Variants in ESPN observed in about 807,000 individuals in gnomAD.
ESPN encodes autosomal recessive deafness type 36 protein.
ESPN carries 68 observed loss-of-function variants against 77.7 expected under a neutral mutation model. The ratio of observed to expected loss-of-function variants is 0.87; its 90% CI spans 0.72 to 1.07. ESPN has a LOEUF of 1.07. Among genes scored for constraint, ESPN ranks in the 50% least tolerant of loss-of-function variants. The pLI is 0.00. For missense variants in ESPN, 1,060 were observed against 1,239.0 expected (o/e 0.86, Z 2.17); for synonymous variants, 449 against 567.1 (o/e 0.79, Z 2.96).
chr1:6,456,996 G>A (rs1644068741), intron 10 of ESPN, among the ~76,000 whole-genome samples, 188 bp from the exon 11 acceptor site: 1 of 152,252 alleles, frequency 6.6e-6, no homozygotes, highest in Non-Finnish European at 1.5e-5. Flanking sequence ...GGACATGAGG[G>A]TCTGGGTTAC....
intron 8 of ESPN, among the ~76,000 whole-genome samples, chr1:6,449,990 T>A (rs1569718268): frequency 6.6e-6 from 1 of 152,116 alleles, no homozygotes; most frequent in African/African-American, 2.4e-5. Context: ...ACGGTTCCTA[T>A]GGAGCCCCAG....
At chr1:6,453,930 T>C (rs1643999404) in intron 10 of ESPN, among the ~76,000 whole-genome samples, 2 of 152,060 alleles carry the variant, frequency 1.3e-5, no homozygotes, top group Non-Finnish European at 2.9e-5. Context: ...GCAGCCTCTT[T>C]AAGAGCGGAG....
Position 6,460,358 on chromosome 1 carries a change from C to A in ESPN, c.*212C>A. On this transcript the variant is annotated 3_prime_UTR_variant, in exon 13 of 13. Coordinates refer to ENST00000645284, the MANE Select transcript of ESPN (RefSeq NM_031475.3). ...GCCACGGTTGCCCAGAAAAAGTGCC[C>A]AAGCTGCTGACGCAAACAACAACAA... 1.7e-6 allele frequency: 1 copy of A among 600,830 alleles called. No individual in the cohort carries two copies. Among genetic ancestry groups the A allele is most frequent in the Non-Finnish European group, 2.9e-6 (1 of 341,576 alleles). The allele number at this position is 600,830 out of a possible 1,614,324, so 37.2% of individuals were successfully genotyped here. A position where few individuals can be genotyped will look rare whatever the true frequency, so the allele number is the denominator to read the frequency against.
chr1:6,446,161 G>T (rs1170954445), intron 7 of ESPN, among the ~76,000 whole-genome samples: 1 of 152,198 alleles, frequency 6.6e-6, no homozygotes, highest in Non-Finnish European at 1.5e-5. Context: ...GAGCTGGGGG[G>T]TGAAGGACGC....
In ESPN at chr1:6,440,637, C is replaced by G. The variant is rs755035371; in HGVS notation, c.687C>G (p.Thr229=). The G allele has an allele frequency of 3.5e-5, 53 of 1,518,614 alleles. No homozygotes were observed. The African/African-American group carries it at 7.1e-4, about 20-fold the overall frequency. The allele number at this position is 1,518,614 out of a possible 1,614,324, so 94.1% of individuals were successfully genotyped here. The change falls in exon 4 of 13, where the codon ACC becomes ACG. Residue 229 remains threonine, a synonymous_variant. Coordinates refer to ENST00000645284, the MANE Select transcript of ESPN (RefSeq NM_031475.3). The part of the protein sequence containing the change: ...SPVIVWLVSC[T]DVSLSEQDKD... Reference sequence around the variant, plus strand: ...CCCGTCCCGCCCAGGTGAGCTGCACCGACGTGAGCCTGTCCGAGCAGGACA... The same window carrying G: ...CCCGTCCCGCCCAGGTGAGCTGCACGGACGTGAGCCTGTCCGAGCAGGACA...
At chr1:6,433,064 G>A (rs537469793) in intron 2 of ESPN, among the ~76,000 whole-genome samples, 1 of 152,198 alleles carries the variant, frequency 6.6e-6, no homozygotes, top group African/African-American at 2.4e-5. Context: ...GGAGGTTGCA[G>A]TGAGCCAAGA....
chr1:6,456,118 G>A, intron 10 of ESPN: 1 of 398,994 alleles, frequency 2.5e-6, no homozygotes, highest in East Asian at 3.6e-5. Context: ...GGCGAGTTCA[G>A]CAACGAGGAC....
chr1:6,451,763 C>T lies in ESPN; in HGVS notation c.2061+15C>T, dbSNP rs753075100. On this transcript the variant is annotated intron_variant, in intron 9 of 12. Coordinates refer to ENST00000645284, the MANE Select transcript of ESPN (RefSeq NM_031475.3). The surrounding 1 kb of genome is among the most constrained non-coding windows in gnomAD (Gnocchi z 4.3). Reference sequence around the variant, plus strand: ...CGGCCTTCCAGGTAGGCGGGCCCAGCAGGAGCCTGCGACCCGGCTTCCCTG... The same window carrying T: ...CGGCCTTCCAGGTAGGCGGGCCCAGTAGGAGCCTGCGACCCGGCTTCCCTG... The T allele has an allele frequency of 8.9e-5, 143 of 1,610,886 alleles. No individual in the cohort carries two copies. The highest frequency in any genetic ancestry group is 1.2e-4 in the Non-Finnish European group (140 of 1,179,360).
chr1:6,448,097 G>T, intron 7 of ESPN: 1 of 152,498 alleles, frequency 6.6e-6, no homozygotes, highest in Non-Finnish European at 1.5e-5. Flanking sequence ...TGCACAGCGG[G>T]GGCCACCAGC....
chr1:6,440,555 G>T lies in ESPN; in HGVS notation c.676-71G>T, dbSNP rs1265555017. On this transcript the variant is annotated intron_variant, in intron 3 of 12. Transcript: ENST00000645284. ...CGGGGGGGCGGGGGCGGGCCACGGAGGTACAGGGGGCGGGCCTACAGGGGC... is the reference window on the plus strand; with the variant it reads ...CGGGGGGGCGGGGGCGGGCCACGGATGTACAGGGGGCGGGCCTACAGGGGC... The T allele has an allele frequency of 9.1e-3, 6,454 of 709,546 alleles. 438 individuals carry two copies. The African/African-American group carries it at 0.21, about 23-fold the overall frequency. 44.0% of individuals were successfully genotyped at this position (709,546 alleles called of 1,614,324 possible).
chr1:6,441,742 C>G (rs1210648830), intron 5 of ESPN, among the ~76,000 whole-genome samples: 1 of 152,168 alleles, frequency 6.6e-6, no homozygotes, highest in Non-Finnish European at 1.5e-5. Flanking sequence ...GCAGTCAACC[C>G]GAAAAGGATG....
intron 1 of ESPN, among the ~76,000 whole-genome samples, chr1:6,425,651 C>T (rs1183025311): frequency 6.6e-6 from 1 of 152,242 alleles, no homozygotes; most frequent in African/African-American, 2.4e-5. Context: ...GGGCAAAGTC[C>T]CACAGCCCAC....
chr1:6,428,449 G>A lies in ESPN; in HGVS notation c.488+30G>A, dbSNP rs1450017694. 6.3e-7 allele frequency: 1 copy of A among 1,576,454 alleles called. No homozygotes were observed. The highest frequency in any genetic ancestry group is 1.4e-5 in the African/African-American group (1 of 73,958). On this transcript the variant is annotated intron_variant, in intron 2 of 12. Transcript: ENST00000645284. This position sits in a 1 kb window ranked among gnomAD's most constrained non-coding sequence, Gnocchi z 5.4. ...GATCACCCCTCTTAAGGGGTCCTCT[G>A]GGTGGGCTGGGCCAGGGCTTTGGGG...
intron 7 of ESPN, chr1:6,446,938 T>C (rs547750770): frequency 6.6e-5 from 10 of 152,258 alleles, no homozygotes; most frequent in Non-Finnish European, 8.8e-5. Flanking sequence ...GTAGCTGCCC[T>C]CTTCATGCCA....
At chr1:6,461,162 T>TTTTG (rs1015716688), downstream of ESPN, 11 of 682,468 alleles carry the variant, frequency 1.6e-5, no homozygotes, top group African/African-American at 2.0e-4. This position sits in a 1 kb window ranked among gnomAD's most constrained non-coding sequence, Gnocchi z 6.3. Context: ...TTTTGTTTTG[T>TTTTG]TTTGTTTTCT....
intron 2 of ESPN, among the ~76,000 whole-genome samples, chr1:6,432,516 G>A (rs754013275): frequency 6.6e-5 from 10 of 152,348 alleles, no homozygotes; most frequent in Admixed American, 1.3e-4. Context: ...ACCATCTCAT[G>A]TCTCCACCAG....
intron 1 of ESPN, among the ~76,000 whole-genome samples, chr1:6,425,837 T>C (rs1370840000): frequency 6.6e-6 from 1 of 152,228 alleles, no homozygotes; most frequent in Non-Finnish European, 1.5e-5. Flanking sequence ...CTGGTCACTC[T>C]GAGCAGTGAC....
intron 5 of ESPN, among the ~76,000 whole-genome samples, chr1:6,441,735 G>A (rs1361240063): frequency 6.6e-5 from 10 of 152,242 alleles, no homozygotes; most frequent in African/African-American, 2.4e-4. Flanking sequence ...GGGCCTCGCA[G>A]TCAACCCGAA....
chr1:6,435,324 G>A (rs913749199), intron 2 of ESPN, among the ~76,000 whole-genome samples: 2 of 130,218 alleles, frequency 1.5e-5, no homozygotes, highest in African/African-American at 5.6e-5. Flanking sequence ...TCTTCAGCCC[G>A]GGTCTGGCCC....
Sources: allele counts gnomAD v4.1 joint callset (sites outside exome capture counted in the v4.1 genomes callset), GRCh38; gene constraint gnomAD v4.1.1; non-coding constraint Gnocchi (gnomAD v3.1); transcripts MANE v1.5; gene names NCBI Gene and HGNC (gene_info 2026-07-23, HGNC 2026-07-21).